Variants in GLRB observed in about 807,000 individuals in gnomAD.
GLRB encodes the protein glycine receptor beta.
A neutral mutation model predicts 54.2 loss-of-function variants in GLRB; 33 were observed. The observed-to-expected ratio is 0.61, with a 90% CI of 0.46 to 0.81. The LOEUF is 0.81. GLRB is among the 40% of genes least tolerant of loss of function. The pLI, the probability that GLRB is intolerant of heterozygous loss-of-function variation, is 0.00. For missense variants in GLRB, 572 were observed against 584.6 expected (o/e 0.98, Z 0.22); for synonymous variants, 209 against 208.2 (o/e 1.00, Z -0.03).
intron 8 of GLRB, among the ~76,000 whole-genome samples, chr4:157,145,552 ATG>A (rs1318235740): frequency 6.6e-6 from 1 of 152,126 alleles, no homozygotes; most frequent in African/African-American, 2.4e-5. Context: ...GTTTTGTGTT[ATG>A]TGTTAGGTAC....
intron 1 of GLRB, among the ~76,000 whole-genome samples, chr4:157,076,875 G>A (rs1177170485): frequency 6.7e-6 from 1 of 148,186 alleles, no homozygotes; most frequent in Middle Eastern, 3.3e-3. Context: ...TTGGTCTGAT[G>A]AGCCCCCTCT....
At chr4:157,148,922 T>G (rs971398402) in intron 8 of GLRB, among the ~76,000 whole-genome samples, 4 of 152,110 alleles carry the variant, frequency 2.6e-5, no homozygotes, top group African/African-American at 9.7e-5. Flanking sequence ...TGTTAAGATC[T>G]CCAATTATAA....
intron 2 of GLRB, among the ~76,000 whole-genome samples, chr4:157,116,158 A>G (rs949434262): frequency 1.3e-5 from 2 of 151,148 alleles, no homozygotes; most frequent in Admixed American, 6.6e-5. Flanking sequence ...TCATACAGCT[A>G]TACAGTCTGA....
intron 2 of GLRB, among the ~76,000 whole-genome samples, chr4:157,091,132 A>T (rs1027572526): frequency 1.3e-5 from 2 of 152,162 alleles, no homozygotes; most frequent in African/African-American, 2.4e-5. Context: ...CAATCACTCT[A>T]TCTCTACATA....
rs1202281389 is a variant in GLRB, at chr4:157,157,641, T to A, written c.1197+4631T>A. ...TTGCTCAGAATGATTGTTTCCAGCT[T>A]CATCCGTGTCCCTACATAGGACATG... On this transcript the variant is annotated intron_variant, in intron 9 of 9. Coordinates refer to ENST00000264428, the MANE Select transcript of GLRB (RefSeq NM_000824.5). Among the ~76,000 whole-genome samples, 6 of 152,152 alleles carry A rather than the reference T, an allele frequency of 3.9e-5. 1 individual carries two copies. The highest frequency in any genetic ancestry group is 8.8e-5 in the Non-Finnish European group (6 of 68,034).
intron 2 of GLRB, among the ~76,000 whole-genome samples, chr4:157,108,646 A>G (rs574869822): frequency 1.3e-5 from 2 of 152,262 alleles, no homozygotes; most frequent in East Asian, 3.9e-4. Context: ...GACTCTACTC[A>G]GATCTTCTGG....
intron 8 of GLRB, among the ~76,000 whole-genome samples, chr4:157,146,561 G>A (rs1196040320): frequency 1.3e-5 from 2 of 151,718 alleles, no homozygotes; most frequent in Non-Finnish European, 2.9e-5. Flanking sequence ...GCTCACCCCT[G>A]TAATCCCAGC....
intron 7 of GLRB, among the ~76,000 whole-genome samples, chr4:157,142,824 T>C (rs1349721182): frequency 6.6e-6 from 1 of 152,218 alleles, no homozygotes; most frequent in Non-Finnish European, 1.5e-5. Context: ...ATGCACAATC[T>C]TACATTTGTA....
intron 2 of GLRB, among the ~76,000 whole-genome samples, chr4:157,084,890 A>C (rs573945425): frequency 6.6e-6 from 1 of 152,320 alleles, no homozygotes; most frequent in Admixed American, 6.5e-5. Context: ...CCTAGTGGAA[A>C]TATTCGAGAC....
At chr4:157,080,654 G>A (rs1484871307) in intron 2 of GLRB, among the ~76,000 whole-genome samples, 1 of 152,172 alleles carries the variant, frequency 6.6e-6, no homozygotes, top group Non-Finnish European at 1.5e-5. Context: ...TGCTTAGCCT[G>A]TGTAAGTTGC....
At chr4:157,077,877 G>A (rs1734093056) in intron 1 of GLRB, 119 bp from the exon 2 acceptor site, 7 of 630,996 alleles carry the variant, frequency 1.1e-5, no homozygotes, top group Non-Finnish European at 2.0e-5. Flanking sequence ...TGAGCAATGA[G>A]GATTTGATGT....
Position 157,136,531 on chromosome 4 carries a change from T to C in GLRB, c.360T>C (p.Ser120=). 1 of 1,613,142 alleles carries C rather than the reference T, an allele frequency of 6.2e-7. No individual in the cohort carries two copies. The highest frequency in any genetic ancestry group is 8.5e-7 in the Non-Finnish European group (1 of 1,179,196). ...ATGACCCCAGGCTGAAGCTCCCCAG[T>C]GATTTTAGGGGTTCAGATGCACTGA... ...KWNDPRLKLP[S]DFRGSDALTV... The change falls in exon 5 of 10, where the codon AGT becomes AGC. Residue 120 remains serine, a synonymous_variant. Transcript: ENST00000264428.
At chr4:157,127,944 A>G (rs1044416990) in intron 4 of GLRB, among the ~76,000 whole-genome samples, 2 of 151,908 alleles carry the variant, frequency 1.3e-5, no homozygotes, top group East Asian at 1.9e-4. Flanking sequence ...TACAGTGGCA[A>G]TTGGAAACTA....
At chr4:157,087,951 G>C (rs1734472252) in intron 2 of GLRB, among the ~76,000 whole-genome samples, 1 of 152,016 alleles carries the variant, frequency 6.6e-6, no homozygotes, top group Non-Finnish European at 1.5e-5. Context: ...TTTACCATGG[G>C]TATTTTATGG....
chr4:157,089,878 G>T lies in GLRB; in HGVS notation c.122+11732G>T, dbSNP rs546101644. 2.0e-5 allele frequency among the ~76,000 whole-genome samples: 3 copies of T among 152,228 alleles called. No individual in the cohort carries two copies. In the South Asian group the frequency reaches 6.2e-4, roughly 32 times the overall value. ...TCTGTATTCCCCAGCTCTACACCCA[G>T]CCTTTCATGAGAAATGACAAAAGCA... On this transcript the variant is annotated intron_variant, in intron 2 of 9. Transcript: ENST00000264428.
At chr4:157,091,164 G>A (rs7672929) in intron 2 of GLRB, among the ~76,000 whole-genome samples, 64,085 of 151,938 alleles carry the variant, frequency 0.42, 16,104 homozygotes, top group African/African-American at 0.71. Flanking sequence ...GTAATTTTCA[G>A]GTAATGTTTT....
At position 157,140,650 on chromosome 4, in the gene GLRB, C is replaced by T. The variant is rs1736574087; in HGVS notation, c.751+1701C>T. Among the ~76,000 whole-genome samples, 2 of 151,688 alleles carry T rather than the reference C, an allele frequency of 1.3e-5. 1 individual carries two copies. Among genetic ancestry groups the T allele is most frequent in the South Asian group, 4.2e-4 (2 of 4,800 alleles). ...TACACATTAGGCTAATGAAATAGAC[C>T]CTTGCCCAAGGTCATACAGTTACAG... is the stretch of plus-strand genomic sequence containing the variant. On this transcript the variant is annotated intron_variant, in intron 7 of 9. Transcript: ENST00000264428.
Position 157,122,969 on chromosome 4 carries a change from C to A in GLRB, c.297+572C>A, listed in dbSNP as rs17241100. 1.3e-4 allele frequency among the ~76,000 whole-genome samples: 20 copies of A among 151,650 alleles called. No individual in the cohort carries two copies. The East Asian group carries it at 3.7e-3, about 28-fold the overall frequency. Reference sequence around the variant, plus strand: ...ACTGGGAAGGAGTGACAAGCAGATTCGTGTCTTGAAAGGAATAGGAAAGAG... The same window carrying A: ...ACTGGGAAGGAGTGACAAGCAGATTAGTGTCTTGAAAGGAATAGGAAAGAG... On this transcript the variant is annotated intron_variant, in intron 4 of 9. Coordinates refer to ENST00000264428, the MANE Select transcript of GLRB (RefSeq NM_000824.5).
chr4:157,104,139 G>A (rs1349253570), intron 2 of GLRB, among the ~76,000 whole-genome samples: 3 of 152,096 alleles, frequency 2.0e-5, no homozygotes, highest in Non-Finnish European at 2.9e-5. Flanking sequence ...CTTGATCTCA[G>A]TATAAAAGCT....
Sources: allele counts gnomAD v4.1 joint callset (sites outside exome capture counted in the v4.1 genomes callset), GRCh38; gene constraint gnomAD v4.1.1; transcripts MANE v1.5; gene names NCBI Gene and HGNC (gene_info 2026-07-23, HGNC 2026-07-21).